The following TACC1 variants were observed in gnomAD, a reference collection of about 807,000 sequenced individuals.
TACC1 encodes the protein transforming acidic coiled-coil-containing protein 1.
Under a neutral mutation model 84.4 loss-of-function variants are expected in TACC1, and 48 were observed. The ratio of observed to expected loss-of-function variants is 0.57; its 90% CI spans 0.45 to 0.72. TACC1 has a LOEUF of 0.72. Ranked by LOEUF, TACC1 falls within the 30% of genes least tolerant of loss-of-function variation. The probability of loss-of-function intolerance (pLI) is 0.00; values close to 1 mark genes in which losing one functional copy is unlikely to be tolerated. For synonymous variants in TACC1, 372 were observed against 376.3 expected (o/e 0.99, Z 0.13); for missense variants, 920 against 973.0 (o/e 0.95, Z 0.72).
chr8:38,743,291 G>T (rs1794917190), intron 2 of TACC1, among the ~76,000 whole-genome samples: 1 of 117,780 alleles, frequency 8.5e-6, no homozygotes, highest in Non-Finnish European at 1.8e-5. Context: ...GTATATATTT[G>T]TTGAATGAAT....
Position 38,852,049 on chromosome 8 carries a change from C to A in TACC1, c.*4026C>A. On this transcript the variant is annotated 3_prime_UTR_variant, in exon 13 of 13. Coordinates refer to ENST00000317827, the MANE Select transcript of TACC1 (RefSeq NM_006283.3). ...AACAGACTCTCCTCTCAAAGGATCTCCTCTGGAAGAGACTATCAGCGGCAG... is the reference window on the plus strand; with the variant it reads ...AACAGACTCTCCTCTCAAAGGATCTACTCTGGAAGAGACTATCAGCGGCAG... 2.3e-6 allele frequency: 1 copy of A among 437,006 alleles called. No homozygotes were observed. Among genetic ancestry groups the A allele is most frequent in the Non-Finnish European group, 4.6e-6 (1 of 215,822 alleles). 27.1% of individuals were successfully genotyped at this position (437,006 alleles called of 1,614,324 possible). A position where few individuals can be genotyped will look rare whatever the true frequency, so the allele number is the denominator to read the frequency against.
intron 2 of TACC1, among the ~76,000 whole-genome samples, chr8:38,801,050 C>G (rs1235241361): frequency 6.6e-6 from 1 of 152,152 alleles, no homozygotes; most frequent in East Asian, 1.9e-4. Flanking sequence ...TGTATATATT[C>G]TTTAGAGAAA....
At chr8:38,781,482 A>T (rs1319518700) in intron 3 of TACC1, among the ~76,000 whole-genome samples, 1 of 151,720 alleles carries the variant, frequency 6.6e-6, no homozygotes, top group Non-Finnish European at 1.5e-5. Flanking sequence ...CCTGGGTTCA[A>T]GCGATTCTCT....
chr8:38,797,960 G>A (rs1820378655), intron 2 of TACC1, among the ~76,000 whole-genome samples: 1 of 152,236 alleles, frequency 6.6e-6, no homozygotes, highest in South Asian at 2.1e-4. Flanking sequence ...AGAACCCATG[G>A]GCATCTCATG....
chr8:38,826,526 A>C (rs1298706905), intron 4 of TACC1, among the ~76,000 whole-genome samples: 2 of 148,854 alleles, frequency 1.3e-5, no homozygotes, highest in African/African-American at 5.2e-5. Flanking sequence ...TTTAAGACTT[A>C]AAGAAAAAAG....
At chr8:38,768,050 A>G (rs1030659276) in intron 3 of TACC1, among the ~76,000 whole-genome samples, 1 of 142,200 alleles carries the variant, frequency 7.0e-6, no homozygotes, top group Non-Finnish European at 1.5e-5. Context: ...CCTGGGTGAC[A>G]GAGTGAGACG....
chr8:38,815,274 G>A (rs776231306), intron 2 of TACC1, among the ~76,000 whole-genome samples: 19 of 152,154 alleles, frequency 1.2e-4, no homozygotes, highest in Non-Finnish European at 5.9e-5. Context: ...TTCCTAGAAC[G>A]CCTGTTCATC....
At chr8:38,834,235 A>C (rs1829797215) in intron 6 of TACC1, among the ~76,000 whole-genome samples, 1 of 152,170 alleles carries the variant, frequency 6.6e-6, no homozygotes, top group Non-Finnish European at 1.5e-5. Flanking sequence ...AAGCTCACTC[A>C]TGTGGTTGTT....
At chr8:38,825,489 A>G in intron 4 of TACC1, 121 bp downstream of exon 4, 1 of 996,684 alleles carries the variant, frequency 1.0e-6, no homozygotes, top group African/African-American at 1.6e-5. Flanking sequence ...CTCAGCTTTA[A>G]GAAGCCAATT....
Position 38,827,211 on chromosome 8 carries a change from G to C in TACC1, c.1496G>C (p.Arg499Thr), listed in dbSNP as rs751253736. 9.3e-6 allele frequency: 15 copies of C among 1,614,136 alleles called. No homozygotes were observed. The highest frequency in any genetic ancestry group is 1.3e-5 in the Non-Finnish European group (15 of 1,180,040). Residue 499 changes from arginine (R) to threonine (T), a missense_variant, in exon 5 of 13, where the codon AGG becomes ACG. Coordinates refer to ENST00000317827, the MANE Select transcript of TACC1 (RefSeq NM_006283.3). Reference sequence around the variant, plus strand: ...TCCCAGATTTCAGACATTTCTAATAGGGATGGCCATGCTACTGATGAGGAG... The same window carrying C: ...TCCCAGATTTCAGACATTTCTAATACGGATGGCCATGCTACTGATGAGGAG... ...VISQISDISNRDGHATDEEKL... is the reference protein window; with the variant it reads ...VISQISDISNTDGHATDEEKL...
chr8:38,760,955 G>A (rs1472972824), intron 3 of TACC1, among the ~76,000 whole-genome samples: 1 of 152,202 alleles, frequency 6.6e-6, no homozygotes, highest in Non-Finnish European at 1.5e-5. Context: ...TGGGCTCTTT[G>A]GAAGGTATAT....
In TACC1 at chr8:38,838,461, G is replaced by T; in HGVS notation, c.1840-9G>T. The T allele has an allele frequency of 6.2e-7, 1 of 1,602,992 alleles. No homozygotes were observed. Among genetic ancestry groups the T allele is most frequent in the Non-Finnish European group, 8.5e-7 (1 of 1,170,142 alleles). ...AGATTGGGTAAAACTAAGCTTTATT[G>T]TACTCTAGATAATTACTAAAGAGAT... On this transcript the variant is annotated splice_polypyrimidine_tract_variant and intron_variant, in intron 7 of 12. Transcript: ENST00000317827.
chr8:38,827,744 G>T, intron 5 of TACC1: 1 of 245,206 alleles, frequency 4.1e-6, no homozygotes, highest in Non-Finnish European at 8.1e-6. Context: ...AGGTTTATTT[G>T]GTTCATGGTT....
In TACC1 at chr8:38,838,633, C is replaced by T. The variant is rs1830668856; in HGVS notation, c.1916+87C>T. 2.7e-6 allele frequency: 3 copies of T among 1,127,658 alleles called. No homozygotes were observed. The African/African-American group carries it at 4.6e-5, about 17-fold the overall frequency. The allele number at this position is 1,127,658 out of a possible 1,614,324, so 69.9% of individuals were successfully genotyped here. A position where few individuals can be genotyped will look rare whatever the true frequency, so the allele number is the denominator to read the frequency against. The stretch of plus-strand genomic sequence containing the variant: ...ATGAAGTGATGACAGTGTTTGCTTG[C>T]CACAGAACCAAGTGTTGAGAGCTTG... On this transcript the variant is annotated intron_variant, in intron 8 of 12. Transcript: ENST00000317827.
At chr8:38,843,729 A>C (rs1310204519) in intron 11 of TACC1, among the ~76,000 whole-genome samples, 3 of 152,130 alleles carry the variant, frequency 2.0e-5, no homozygotes, top group African/African-American at 4.8e-5. Context: ...GAATCTTTCC[A>C]TGTCAGTGCA....
intron 1 of TACC1, among the ~76,000 whole-genome samples, chr8:38,734,135 T>G (rs1175895264): frequency 1.3e-5 from 2 of 152,160 alleles, no homozygotes; most frequent in Non-Finnish European, 2.9e-5. Context: ...CTTCTGCACT[T>G]TCAGTCTTCT....
chr8:38,797,435 A>C (rs191997556), intron 2 of TACC1, among the ~76,000 whole-genome samples: 1 of 152,212 alleles, frequency 6.6e-6, no homozygotes, highest in Non-Finnish European at 1.5e-5. Flanking sequence ...TCTCTTCACT[A>C]TGCCCTTCCT....
At chr8:38,760,035 T>C (rs1034523) in intron 3 of TACC1, among the ~76,000 whole-genome samples, 1 of 150,402 alleles carries the variant, frequency 6.6e-6, no homozygotes, top group East Asian at 1.9e-4. Flanking sequence ...GTTCTTTTTT[T>C]AAAAAAAAAA....
chr8:38,779,262 A>G (rs1479654111), intron 3 of TACC1, among the ~76,000 whole-genome samples: 1 of 152,222 alleles, frequency 6.6e-6, no homozygotes, highest in Non-Finnish European at 1.5e-5. Context: ...GGAAGATGCC[A>G]CTATGCCTGG....
Sources: gnomAD v4.1 joint callset for allele counts (sites outside exome capture counted in the v4.1 genomes callset) on GRCh38, gnomAD v4.1.1 for gene constraint, MANE v1.5 for transcripts, NCBI Gene and HGNC (gene_info 2026-07-23, HGNC 2026-07-21) for gene names.